The following KCP variants were observed in gnomAD, a reference collection of about 807,000 sequenced individuals.
KCP encodes kielin/chordin-like protein.
In KCP, 194 loss-of-function variants were observed where a neutral mutation model predicts 212.7. The ratio of observed to expected loss-of-function variants is 0.91; its 90% CI spans 0.81 to 1.03. The LOEUF (loss-of-function observed/expected upper bound fraction) is 1.03, where lower values mean the gene tolerates loss of function less well. Ranked by LOEUF, KCP falls within the 50% of genes least tolerant of loss-of-function variation. The probability of loss-of-function intolerance (pLI) is 0.00; values close to 1 mark genes in which losing one functional copy is unlikely to be tolerated. For missense variants in KCP, 2,080 were observed against 2,162.5 expected (o/e 0.96, Z 0.76); for synonymous variants, 833 against 865.3 (o/e 0.96, Z 0.65).
chr7:128,907,500 C>A, intron 2 of KCP, 47 bp from the exon 3 acceptor site: 1 of 1,329,036 alleles, frequency 7.5e-7, no homozygotes, highest in Non-Finnish European at 9.9e-7. Context: ...GCTTCCCCCA[C>A]CATCTCCAGT....
Position 128,907,128 on chromosome 7 carries a change from T to C in KCP, c.459A>G (p.Pro153=), listed in dbSNP as rs1385869851. 2 of 1,551,506 alleles carry C rather than the reference T, an allele frequency of 1.3e-6. No individual in the cohort carries two copies. Among genetic ancestry groups the C allele is most frequent in the Non-Finnish European group, 1.7e-6 (2 of 1,146,916 alleles). The change falls in exon 4 of 40, where the codon CCA becomes CCG. Residue 153 remains proline (P), a synonymous_variant. Coordinates refer to ENST00000610776, the MANE Select transcript of KCP (RefSeq NM_001366122.1). ...GACAGCGGCAGGTGGTGCAGGCATC[T>C]GGGGAGAAGGTCTCCCCGTTGCCGT... ...QTYGNGETFS[P]DACTTCRCLE... is the part of the protein sequence containing the mutation.
rs763284849 is a variant in KCP at position 128,893,864 on chromosome 7, C to A, written c.1041G>T (p.Pro347=). 1.9e-6 allele frequency: 3 copies of A among 1,551,280 alleles called. No homozygotes were observed. Among genetic ancestry groups the A allele is most frequent in the Non-Finnish European group, 2.6e-6 (3 of 1,146,978 alleles). ...GSVQCEPLPC[P]PVPCRHPGKI... The stretch of plus-strand genomic sequence containing the variant: ...TGCCTGGGTGTCTGCAGGGCACTGG[C>A]GGGCAGGGCAGAGGCTCACACTGGA... The change falls in exon 11 of 40, where the codon CCG becomes CCT. Residue 347 remains proline, a synonymous_variant. Transcript: ENST00000610776.
intron 2 of KCP, among the ~76,000 whole-genome samples, chr7:128,908,027 G>T (rs1311367752): frequency 6.6e-6 from 1 of 151,582 alleles, no homozygotes; most frequent in Non-Finnish European, 1.5e-5. Flanking sequence ...TACTCAGGAG[G>T]CTGAAGCGTA....
Position 128,879,787 on chromosome 7 carries a change from G to A in KCP, c.3975C>T (p.Ala1325=). 2 of 1,550,776 alleles carry A rather than the reference G, an allele frequency of 1.3e-6. No homozygotes were observed. The highest frequency in any genetic ancestry group is 1.4e-5 in the African/African-American group (1 of 73,172). Residue 1325 remains alanine, a synonymous_variant, in exon 36 of 40, where the codon GCC becomes GCT. Transcript: ENST00000610776. The part of the protein sequence containing the change: ...TNDDRGRSGV[A]WTQEVAVLLG... ...GCAGCACCGCCACCTCCTGGGTCCA[G>A]GCCACACCGCTCCGGCCCCGGTCAT...
intron 2 of KCP, among the ~76,000 whole-genome samples, chr7:128,908,208 AAAG>A (rs1374686943): frequency 1.4e-5 from 2 of 143,732 alleles, no homozygotes; most frequent in East Asian, 2.0e-4. Flanking sequence ...AAAGAAAAAA[AAAG>A]AAAGGAAGGA....
Position 128,893,395 on chromosome 7 carries a change from C to A in KCP, c.1181G>T (p.Cys394Phe). ...QERGLCVRCS[C>F]QAGEVSCEEQ... ...GTGAGCGGAGGGACCGCCTACCTGG[C>A]AGGAGCAGCGGACACAGAGGCCCCG... Residue 394 changes from cysteine (C) to phenylalanine (F), a missense_variant, in exon 12 of 40, where the codon TGC becomes TTC. By Grantham distance (205) the Cys-to-Phe change is radical. Transcript: ENST00000610776. 2.6e-6 allele frequency: 4 copies of A among 1,551,682 alleles called. No individual in the cohort carries two copies. Among genetic ancestry groups the A allele is most frequent in the Non-Finnish European group, 3.5e-6 (4 of 1,146,954 alleles).
chr7:128,878,435 C>T (rs973289859), intron 38 of KCP, 123 bp downstream of exon 38: 1 of 1,114,862 alleles, frequency 9.0e-7, no homozygotes. Flanking sequence ...TCCCTGAAAG[C>T]CCAAAAGCCT....
At chr7:128,888,327 A>AAC (rs760342030) in intron 22 of KCP, among the ~76,000 whole-genome samples, 16,900 of 106,486 alleles carry the variant, frequency 0.16, 1,254 homozygotes, top group Non-Finnish European at 0.18. Flanking sequence ...CACACAGAGC[A>AAC]ACACACACAC....
intron 4 of KCP, 119 bp from the exon 5 acceptor site, chr7:128,906,482 C>G: frequency 2.7e-6 from 2 of 747,616 alleles, no homozygotes; most frequent in Non-Finnish European, 4.7e-6. Flanking sequence ...TGAGTTGGCT[C>G]TGTGGATGTG....
At chr7:128,878,486 A>G in intron 38 of KCP, 72 bp downstream of exon 38, 3 of 1,453,094 alleles carry the variant, frequency 2.1e-6, no homozygotes, top group Admixed American at 2.3e-5. Flanking sequence ...TTTCCATGCC[A>G]GAGGGTTGCT....
intron 8 of KCP, among the ~76,000 whole-genome samples, chr7:128,895,067 C>T (rs1181021936): frequency 6.6e-6 from 1 of 152,218 alleles, no homozygotes; most frequent in Non-Finnish European, 1.5e-5. Flanking sequence ...GATTCCTCCT[C>T]ACAGTCCCAG....
rs776801585 is a variant in KCP at position 128,892,905 on chromosome 7, G to C, written c.1384C>G (p.Pro462Ala). 8.5e-6 allele frequency: 13 copies of C among 1,534,828 alleles called. No homozygotes were observed. The highest frequency in any genetic ancestry group is 1.1e-5 in the Non-Finnish European group (12 of 1,132,192). The change falls in exon 14 of 40, where the codon CCC becomes GCC. Residue 462 changes from proline (P) to alanine (A), a missense_variant. Transcript: ENST00000610776. ...GTGGGGTGCTGGCAGGGGGCTGGGG[G>C]GCAGAGCACAGCCCCGCACTTGGGT... is the stretch of plus-strand genomic sequence containing the variant. The part of the protein sequence containing the change: ...GVPKCGAVLC[P>A]PAPCQHPTQP...
intron 23 of KCP, 46 bp from the exon 24 acceptor site, chr7:128,887,012 C>T: frequency 8.9e-7 from 1 of 1,127,574 alleles, no homozygotes; most frequent in Non-Finnish European, 1.3e-6. Flanking sequence ...CTGCACATTT[C>T]CCCAGGGCTG....
rs752029149 is a variant in KCP, at chr7:128,892,954, G to A, written c.1335C>T (p.Thr445=). Residue 445 remains threonine, a synonymous_variant, in exon 14 of 40, where the codon ACC becomes ACT. Coordinates refer to ENST00000610776, the MANE Select transcript of KCP (RefSeq NM_001366122.1). ...VQWEPDGRPC[T]ACVCQDGVPK... ...GTACCCCATCTTGACAGACGCAGGC[G>A]GTGCAGGGCCGACCATCAGGCTCCC... The A allele has an allele frequency of 8.9e-6, 12 of 1,344,072 alleles. No homozygotes were observed. Among genetic ancestry groups the A allele is most frequent in the East Asian group, 5.0e-5 (2 of 39,982 alleles). The allele number at this position is 1,344,072 out of a possible 1,614,324, so 83.3% of individuals were successfully genotyped here. A position where few individuals can be genotyped will look rare whatever the true frequency, so the allele number is the denominator to read the frequency against.
In KCP at chr7:128,907,159, T is replaced by TG. The variant is rs959275358; in HGVS notation, c.427dup (p.Gln143ProfsTer38). ...GAAGGTCTCCCCGTTGCCGTAGGTC[T>TG]GGCCATTTTGGCTGCAGCCTAAGGA... is the stretch of plus-strand genomic sequence containing the variant. On this transcript the variant is annotated frameshift_variant, in exon 4 of 40. Coordinates refer to ENST00000610776, the MANE Select transcript of KCP (RefSeq NM_001366122.1). LOFTEE classifies it high-confidence loss of function. The TG allele has an allele frequency of 2.1e-5, 33 of 1,551,426 alleles. No homozygotes were observed. The Admixed American group carries it at 2.2e-4, about 10-fold the overall frequency.
At chr7:128,895,180 T>C (rs76528674) in intron 8 of KCP, among the ~76,000 whole-genome samples, 2,396 of 152,302 alleles carry the variant, frequency 0.016, 17 homozygotes, top group Non-Finnish European at 0.024. Flanking sequence ...ATGCACTTTG[T>C]TACAGCAGCC....
chr7:128,886,952 G>A lies in KCP; in HGVS notation c.2613C>T (p.Arg871=). 1 of 1,524,126 alleles carries A rather than the reference G, an allele frequency of 6.6e-7. No individual in the cohort carries two copies. The highest frequency in any genetic ancestry group is 8.9e-7 in the Non-Finnish European group (1 of 1,126,204). 94.4% of individuals were successfully genotyped at this position (1,524,126 alleles called of 1,614,324 possible). A position where few individuals can be genotyped will look rare whatever the true frequency, so the allele number is the denominator to read the frequency against. Residue 871 remains arginine (R), a synonymous_variant, in exon 24 of 40, where the codon CGC becomes CGT. Transcript: ENST00000610776. ...CTGGGGGACATGGCTTCTTCTGGCA[G>A]CGCATGGAACCTTCCTGGGGGAGAG... ...SLCTCQEGSM[R]CQKKPCPPAL...
In KCP at chr7:128,877,245, C is replaced by T; in HGVS notation, c.4685G>A (p.Cys1562Tyr). The T allele has an allele frequency of 1.3e-5, 19 of 1,484,924 alleles. No homozygotes were observed. Among genetic ancestry groups the T allele is most frequent in the Non-Finnish European group, 1.7e-5 (19 of 1,118,108 alleles). 92.0% of individuals were successfully genotyped at this position (1,484,924 alleles called of 1,614,324 possible). The change falls in exon 40 of 40, where the codon TGC becomes TAC. Residue 1562 changes from cysteine to tyrosine, a missense_variant. Physicochemically the swap from Cys to Tyr is radical, Grantham distance 194. Coordinates refer to ENST00000610776, the MANE Select transcript of KCP (RefSeq NM_001366122.1). ...DECGPPCPRTCFNQHIPLGEL... is the reference protein window; with the variant it reads ...DECGPPCPRTYFNQHIPLGEL... Reference sequence around the variant, plus strand: ...CCCCAGGGGGATATGCTGATTGAAGCAGGTGCGGGGACAGGGTGGGCCGCA... The same window carrying T: ...CCCCAGGGGGATATGCTGATTGAAGTAGGTGCGGGGACAGGGTGGGCCGCA...
chr7:128,883,746 G>C (rs34410814), intron 29 of KCP, among the ~76,000 whole-genome samples: 1 of 152,210 alleles, frequency 6.6e-6, no homozygotes, highest in African/African-American at 2.4e-5. Context: ...TCACGTCTCA[G>C]CACAACTGTC....
Sources: allele counts gnomAD v4.1 joint callset (sites outside exome capture counted in the v4.1 genomes callset), GRCh38; gene constraint gnomAD v4.1.1; transcripts MANE v1.5; gene names NCBI Gene and HGNC (gene_info 2026-07-23, HGNC 2026-07-21).